The following MYT1L variants were observed in gnomAD, a reference collection of about 807,000 sequenced individuals.
MYT1L encodes myelin transcription factor 1 like.
A neutral mutation model predicts 126.7 loss-of-function variants in MYT1L; 12 were observed. That is an observed-to-expected ratio of 0.09 (90% CI 0.06 to 0.15). The LOEUF (loss-of-function observed/expected upper bound fraction) is 0.15. MYT1L is among the 10% of genes least tolerant of loss of function. MYT1L has a pLI of 1.00. For synonymous variants in MYT1L, 541 were observed against 604.2 expected (o/e 0.90, Z 1.53); for missense variants, 979 against 1,585.2 (o/e 0.62, Z 6.49).
intron 14 of MYT1L, among the ~76,000 whole-genome samples, chr2:1,895,867 C>G (rs1261800447): frequency 6.6e-6 from 1 of 152,128 alleles, no homozygotes; most frequent in Non-Finnish European, 1.5e-5. Flanking sequence ...AGAGCTTCTG[C>G]ACAGCAAAAG....
At chr2:1,883,192 G>A (rs897980334) in intron 18 of MYT1L, among the ~76,000 whole-genome samples, 2 of 152,184 alleles carry the variant, frequency 1.3e-5, no homozygotes, top group African/African-American at 4.8e-5. Context: ...GGATAATAAG[G>A]AGGAATCTTA....
At chr2:2,244,316 A>G (rs2094492484) in intron 2 of MYT1L, among the ~76,000 whole-genome samples, 2 of 152,186 alleles carry the variant, frequency 1.3e-5, no homozygotes. Flanking sequence ...ATTAAACAGT[A>G]AACTTTTGCA....
At chr2:1,809,770 A>G (rs1266086378) in intron 21 of MYT1L, 6 of 152,434 alleles carry the variant, frequency 3.9e-5, no homozygotes, top group Admixed American at 1.3e-4. Flanking sequence ...TCTGTTTTCA[A>G]ACTTTCCAGG....
rs115108752 is a variant in MYT1L, at chr2:2,255,903, A to C, written c.-421+28501T>G. Among the ~76,000 whole-genome samples, 523 of 152,284 alleles carry C rather than the reference A, an allele frequency of 3.4e-3. 3 individuals carry two copies. Among genetic ancestry groups the C allele is most frequent in the South Asian group, 0.024 (115 of 4,820 alleles). ...GCCAGTTGAAGTGATGAAAGTTGTG[A>C]ACACCTTACCCTTTACTGAGTCTGA... On this transcript the variant is annotated intron_variant, in intron 2 of 24. Coordinates refer to ENST00000647738, the MANE Select transcript of MYT1L (RefSeq NM_001303052.2).
At chr2:2,107,240 C>T (rs1251327248) in intron 3 of MYT1L, among the ~76,000 whole-genome samples, 3 of 152,216 alleles carry the variant, frequency 2.0e-5, no homozygotes, top group Non-Finnish European at 4.4e-5. Context: ...CTGCCGGTGA[C>T]GTCGAGCACA....
At chr2:2,281,974 G>A (rs1295508182) in intron 2 of MYT1L, among the ~76,000 whole-genome samples, 2 of 152,200 alleles carry the variant, frequency 1.3e-5, no homozygotes, top group Non-Finnish European at 2.9e-5. Context: ...CTGGCGTTTA[G>A]TATAACGAAC....
chr2:1,826,405 ATC>A (rs2039344322), intron 21 of MYT1L, among the ~76,000 whole-genome samples: 1 of 152,126 alleles, frequency 6.6e-6, no homozygotes, highest in South Asian at 2.1e-4. Flanking sequence ...TCAGGAGGGA[ATC>A]TTCCTGCAAA....
At chr2:2,141,999 T>G (rs921256742) in intron 3 of MYT1L, among the ~76,000 whole-genome samples, 24 of 152,256 alleles carry the variant, frequency 1.6e-4, no homozygotes, top group African/African-American at 5.8e-4. Context: ...CGGGAAAGCT[T>G]AATGTTTTCT....
chr2:2,266,912 G>A (rs943024582), intron 2 of MYT1L, among the ~76,000 whole-genome samples: 1 of 152,200 alleles, frequency 6.6e-6, no homozygotes, highest in African/African-American at 2.4e-5. Flanking sequence ...GTGGAACTGT[G>A]ATTCCATTAA....
At chr2:1,795,074 C>T (rs1057169132) in intron 23 of MYT1L, among the ~76,000 whole-genome samples, 22 of 152,222 alleles carry the variant, frequency 1.4e-4, no homozygotes, top group African/African-American at 4.8e-4. Flanking sequence ...CGAAGGGCCC[C>T]GGGCTTCTTG....
At position 1,792,427 on chromosome 2, in the gene MYT1L, T is replaced by C; in HGVS notation, c.3314A>G (p.Glu1105Gly). ...CTGCTGCTCAATCACTTTGTTCTCC[T>C]CTTCGATGGTCTTCAGGTTGCTCTC... ...TMESNLKTIEEENKVIEQQNE... is the reference protein window; with the variant it reads ...TMESNLKTIEGENKVIEQQNE... Residue 1105 changes from glutamate to glycine, a missense_variant, in exon 24 of 25, where the codon GAG becomes GGG. Coordinates refer to ENST00000647738, the MANE Select transcript of MYT1L (RefSeq NM_001303052.2). 1 of 1,613,776 alleles carries C rather than the reference T, an allele frequency of 6.2e-7. No homozygotes were observed. The highest frequency in any genetic ancestry group is 8.5e-7 in the Non-Finnish European group (1 of 1,179,804).
Position 1,995,792 on chromosome 2 carries a change from G to A in MYT1L, c.-1+1399C>T, listed in dbSNP as rs147956747. Among the ~76,000 whole-genome samples the A allele has an allele frequency of 3.2e-3, 484 of 152,300 alleles. 1 individual carries two copies. The highest frequency in any genetic ancestry group is 0.011 in the African/African-American group (459 of 41,576). On this transcript the variant is annotated intron_variant, in intron 5 of 24. Coordinates refer to ENST00000647738, the MANE Select transcript of MYT1L (RefSeq NM_001303052.2). ...TTTATCAAGGGGAGTCCCAGGAGGA[G>A]GCCAGCGTGTAGTGGGATTCTCAGG...
At chr2:2,174,742 T>C (rs998632573) in intron 2 of MYT1L, among the ~76,000 whole-genome samples, 8 of 152,072 alleles carry the variant, frequency 5.3e-5, no homozygotes, top group Middle Eastern at 3.2e-3. Context: ...TATTATGATT[T>C]AAAAATATAA....
At chr2:1,973,862 C>A (rs1050302303) in intron 8 of MYT1L, among the ~76,000 whole-genome samples, 3 of 152,186 alleles carry the variant, frequency 2.0e-5, no homozygotes, top group Non-Finnish European at 4.4e-5. Context: ...ACCAATGCAG[C>A]GTTGCTCAAA....
In MYT1L at chr2:1,942,995, CTCT is replaced by C. The variant is rs1357421285; in HGVS notation, c.489_491del (p.Glu167del). The stretch of plus-strand genomic sequence containing the variant: ...TTTAAAGATTACCGTTTTCTTCTTC[CTCT>C]TCCTCCTCCTCCTCCTCCTCCTCTT... On this transcript the variant is annotated inframe_deletion, in exon 9 of 25. Transcript: ENST00000647738. The C allele has an allele frequency of 3.9e-6, 6 of 1,534,100 alleles. No individual in the cohort carries two copies. The East Asian group carries it at 1.5e-4, about 38-fold the overall frequency.
intron 3 of MYT1L, among the ~76,000 whole-genome samples, chr2:2,092,247 G>A (rs936418328): frequency 5.3e-5 from 8 of 152,044 alleles, no homozygotes; most frequent in African/African-American, 1.9e-4. Context: ...TCATTGCAGG[G>A]TTGTTCGTTG....
At chr2:2,130,782 T>C (rs2082268905) in intron 3 of MYT1L, among the ~76,000 whole-genome samples, 1 of 152,126 alleles carries the variant, frequency 6.6e-6, no homozygotes, top group Admixed American at 6.5e-5. Flanking sequence ...AACCTTTGGA[T>C]AAAATGAGGG....
At chr2:2,329,143 G>A (rs1225948637) in intron 1 of MYT1L, among the ~76,000 whole-genome samples, 1 of 152,206 alleles carries the variant, frequency 6.6e-6, no homozygotes, top group Non-Finnish European at 1.5e-5. Context: ...ACTGAATGAG[G>A]TGGCAAGTGC....
chr2:2,016,678 A>G (rs2064438648), intron 4 of MYT1L, among the ~76,000 whole-genome samples: 1 of 152,278 alleles, frequency 6.6e-6, no homozygotes, highest in African/African-American at 2.4e-5. Flanking sequence ...AATAATATTT[A>G]GAATCAAGAG....
Sources: allele counts gnomAD v4.1 joint callset (sites outside exome capture counted in the v4.1 genomes callset), GRCh38; gene constraint gnomAD v4.1.1; transcripts MANE v1.5; gene names NCBI Gene and HGNC (gene_info 2026-07-23, HGNC 2026-07-21).